SLC36A2: variants seen among roughly 807,000 people sequenced by gnomAD.
The protein encoded by SLC36A2 is solute carrier family 36 member 2, also known as proton-coupled amino acid transporter 2.
Under a neutral mutation model 42.7 loss-of-function variants are expected in SLC36A2, and 39 were observed. That is an observed-to-expected ratio of 0.91 (90% CI 0.71 to 1.19). SLC36A2 has a LOEUF of 1.19. Among genes scored for constraint, SLC36A2 ranks in the 50% most tolerant of loss-of-function variants. SLC36A2 has a pLI of 0.00. For synonymous variants in SLC36A2, 237 were observed against 240.8 expected (o/e 0.98, Z 0.15); for missense variants, 590 against 613.7 (o/e 0.96, Z 0.41).
At chr5:151,332,472 T>C (rs1756026057) in intron 7 of SLC36A2, 1 of 455,716 alleles carries the variant, frequency 2.2e-6, no homozygotes, top group South Asian at 1.6e-5. Flanking sequence ...ACAACCCAAA[T>C]GTTCTTTGAC....
chr5:151,325,339 C>T lies in SLC36A2; in HGVS notation c.957G>A (p.Leu319=). 1 of 1,614,044 alleles carries T rather than the reference C, an allele frequency of 6.2e-7. No homozygotes were observed. The highest frequency in any genetic ancestry group is 8.5e-7 in the Non-Finnish European group (1 of 1,180,000). The change falls in exon 8 of 10, where the codon CTG becomes CTA. Residue 319 remains leucine (L), a synonymous_variant. Coordinates refer to ENST00000335244, the MANE Select transcript of SLC36A2 (RefSeq NM_181776.3). The part of the protein sequence containing the change: ...LYIGMAALGY[L]RFGDDIKASI... The stretch of plus-strand genomic sequence containing the variant: ...TGGCCTTGATGTCATCTCCAAACCG[C>T]AGGTAGCCCAGAGCCGCCATGCCAA...
At position 151,335,312 on chromosome 5, in the gene SLC36A2, G is replaced by A; in HGVS notation, c.744+17C>T. On this transcript the variant is annotated intron_variant, in intron 6 of 9. Transcript: ENST00000335244. Reference sequence around the variant, plus strand: ...ACCCTGCCCAGTGGAGTGGGCAGGTGCATGGTGTGCACTCACCTGGGTAAT... The same window carrying A: ...ACCCTGCCCAGTGGAGTGGGCAGGTACATGGTGTGCACTCACCTGGGTAAT... 6.3e-7 allele frequency: 1 copy of A among 1,594,114 alleles called. No homozygotes were observed. Among genetic ancestry groups the A allele is most frequent in the Non-Finnish European group, 8.6e-7 (1 of 1,166,346 alleles).
chr5:151,343,729 G>A (rs907472232), intron 2 of SLC36A2, 131 bp from the exon 3 acceptor site: 2 of 742,844 alleles, frequency 2.7e-6, no homozygotes, highest in Admixed American at 2.5e-5. Flanking sequence ...TGGGTTTAAA[G>A]CCCTTTTGTA....
intron 7 of SLC36A2, among the ~76,000 whole-genome samples, chr5:151,326,747 A>G (rs1051616130): frequency 1.3e-5 from 2 of 151,610 alleles, no homozygotes; most frequent in African/African-American, 4.9e-5. Context: ...TGTGCTAAGC[A>G]TTCTCTACAT....
At chr5:151,321,142 G>GATTTATTTATTTATTTATTT (rs141530947) in intron 9 of SLC36A2, among the ~76,000 whole-genome samples, 2 of 149,838 alleles carry the variant, frequency 1.3e-5, no homozygotes, top group African/African-American at 4.9e-5. Flanking sequence ...CAGTTCTTAT[G>GATTTATTTATTTATTTATTT]ATTTATTTAT....
At chr5:151,342,771 C>T (rs915212119) in intron 4 of SLC36A2, 117 bp downstream of exon 4, 2 of 812,774 alleles carry the variant, frequency 2.5e-6, no homozygotes, top group African/African-American at 1.7e-5. Flanking sequence ...CTTCCATGTA[C>T]AACATCTAAC....
At chr5:151,339,293 C>G in intron 4 of SLC36A2, 149 bp from the exon 5 acceptor site, 13 of 576,088 alleles carry the variant, frequency 2.3e-5, no homozygotes, top group South Asian at 2.1e-4. Flanking sequence ...AACAATGGGG[C>G]AAAGAAGTAA....
intron 8 of SLC36A2, among the ~76,000 whole-genome samples, chr5:151,322,748 G>T (rs1755732299): frequency 6.6e-6 from 1 of 152,216 alleles, no homozygotes; most frequent in Admixed American, 6.5e-5. Flanking sequence ...AAATAGGGTT[G>T]TGTGGAAGTT....
At chr5:151,323,157 C>T (rs1295112321) in intron 8 of SLC36A2, among the ~76,000 whole-genome samples, 1 of 152,066 alleles carries the variant, frequency 6.6e-6, no homozygotes, top group Non-Finnish European at 1.5e-5. Flanking sequence ...ATTACTTGAA[C>T]CCGGGAGGTA....
intron 9 of SLC36A2, 47 bp downstream of exon 9, chr5:151,321,999 C>A: frequency 6.2e-7 from 1 of 1,610,962 alleles, no homozygotes; most frequent in Non-Finnish European, 8.5e-7. Flanking sequence ...TTCTTTATAG[C>A]CCTCAGAAAA....
At chr5:151,341,807 C>T (rs1258607989) in intron 4 of SLC36A2, among the ~76,000 whole-genome samples, 34 of 152,154 alleles carry the variant, frequency 2.2e-4, no homozygotes, top group Admixed American at 2.2e-3. Context: ...CCCCACTAGA[C>T]ATCTCCACTT....
intron 7 of SLC36A2, among the ~76,000 whole-genome samples, chr5:151,328,513 C>T (rs1395248436): frequency 1.3e-5 from 2 of 152,114 alleles, no homozygotes; most frequent in Non-Finnish European, 2.9e-5. Flanking sequence ...GGATGAAGAG[C>T]GTGGAGAGAA....
intron 8 of SLC36A2, among the ~76,000 whole-genome samples, chr5:151,323,652 T>G (rs1252638892): frequency 6.6e-6 from 1 of 152,234 alleles, no homozygotes; most frequent in Non-Finnish European, 1.5e-5. Flanking sequence ...GTTTCCCTGT[T>G]GTCTCCTTCC....
intron 4 of SLC36A2, among the ~76,000 whole-genome samples, chr5:151,340,186 AGAGGT>A (rs1756292092): frequency 2.2e-4 from 10 of 44,788 alleles, no homozygotes; most frequent in Admixed American, 4.5e-4. Context: ...AGGAGGAGGA[AGAGGT>A]GGAGGAGGAG....
chr5:151,340,024 A>G (rs538603556), intron 4 of SLC36A2, among the ~76,000 whole-genome samples: 1 of 152,158 alleles, frequency 6.6e-6, no homozygotes, highest in East Asian at 1.9e-4. Context: ...AAAGGGAAGA[A>G]AGAGAGTTGT....
At chr5:151,324,479 C>T (rs1359015811) in intron 8 of SLC36A2, among the ~76,000 whole-genome samples, 1 of 152,058 alleles carries the variant, frequency 6.6e-6, no homozygotes, top group African/African-American at 2.4e-5. Context: ...ATTACAGGCA[C>T]CCACCACCAT....
chr5:151,336,426 A>G (rs973126991), intron 5 of SLC36A2, among the ~76,000 whole-genome samples: 5 of 147,838 alleles, frequency 3.4e-5, no homozygotes, highest in Non-Finnish European at 5.9e-5. Flanking sequence ...ATATCCTTCC[A>G]TGGAACTTAT....
chr5:151,333,405 AC>A, intron 6 of SLC36A2, 83 bp from the exon 7 acceptor site: 2 of 1,188,784 alleles, frequency 1.7e-6, no homozygotes, highest in Non-Finnish European at 2.5e-6. Context: ...CTGAAATGAG[AC>A]CTGAATTTTT....
At chr5:151,334,079 TA>T (rs892419098) in intron 6 of SLC36A2, among the ~76,000 whole-genome samples, 2 of 152,180 alleles carry the variant, frequency 1.3e-5, no homozygotes, top group African/African-American at 4.8e-5. Context: ...ATATTCTATA[TA>T]CCTTGTGACC....
Sources: gnomAD v4.1 joint callset for allele counts (sites outside exome capture counted in the v4.1 genomes callset) on GRCh38, gnomAD v4.1.1 for gene constraint, MANE v1.5 for transcripts, NCBI Gene and HGNC (gene_info 2026-07-23, HGNC 2026-07-21) for gene names.